COLQ: variants seen among roughly 807,000 people sequenced by gnomAD.
COLQ encodes the protein collagen like tail subunit of asymmetric acetylcholinesterase, also known as acetylcholinesterase collagenic tail peptide.
In COLQ, 48 loss-of-function variants were observed where a neutral mutation model predicts 69.0. The ratio of observed to expected loss-of-function variants is 0.70; its 90% CI spans 0.55 to 0.88. The LOEUF is 0.88. Among genes scored for constraint, COLQ ranks in the 40% least tolerant of loss-of-function variants. The pLI is 0.00. For missense variants in COLQ, 618 were observed against 594.6 expected, an observed-to-expected ratio of 1.04 and a Z score of -0.41; for synonymous variants, 217 against 211.2, an observed-to-expected ratio of 1.03 and a Z score of -0.24.
intron 3 of COLQ, among the ~76,000 whole-genome samples, chr3:15,486,110 T>G (rs1305179646): frequency 1.3e-5 from 2 of 152,182 alleles, no homozygotes; most frequent in Admixed American, 6.5e-5. Context: ...TATTTTTGGA[T>G]AGGGAAGAGG....
chr3:15,458,411 A>T, intron 12 of COLQ, 86 bp from the exon 13 acceptor site: 1 of 1,475,564 alleles, frequency 6.8e-7, no homozygotes, highest in Non-Finnish European at 9.5e-7. Flanking sequence ...TTTGCAACAG[A>T]AAAAAGGTTA....
intron 3 of COLQ, among the ~76,000 whole-genome samples, chr3:15,485,529 A>G (rs564728407): frequency 6.6e-6 from 1 of 152,278 alleles, no homozygotes; most frequent in Admixed American, 6.5e-5. Context: ...CCTCCCTGAA[A>G]TATGATTTCT....
chr3:15,456,449 C>T lies in COLQ; in HGVS notation c.1074+11G>A. On this transcript the variant is annotated intron_variant, in intron 14 of 16. Transcript: ENST00000383788. ...CAGGGAGTATGTCCTGAGGTAATGG[C>T]CTGGGGGTACCTGGATGGGGAGCCA... 1 of 1,613,850 alleles carries T rather than the reference C, an allele frequency of 6.2e-7. No individual in the cohort carries two copies. The highest frequency in any genetic ancestry group is 1.1e-5 in the South Asian group (1 of 91,062).
At chr3:15,454,684 C>T (rs1206546276) in intron 15 of COLQ, among the ~76,000 whole-genome samples, 5 of 136,254 alleles carry the variant, frequency 3.7e-5, no homozygotes, top group Non-Finnish European at 7.6e-5. Flanking sequence ...GAGACAGGGT[C>T]TCGCTCTGTT....
chr3:15,475,834 A>G (rs2062370718), intron 6 of COLQ, among the ~76,000 whole-genome samples: 1 of 152,180 alleles, frequency 6.6e-6, no homozygotes, highest in Admixed American at 6.5e-5. Context: ...CCAGAAAACA[A>G]GGTGTCAATA....
chr3:15,499,978 C>G (rs1400951485), intron 1 of COLQ, among the ~76,000 whole-genome samples: 1 of 152,152 alleles, frequency 6.6e-6, no homozygotes, highest in Middle Eastern at 3.2e-3. Context: ...TTGACATATT[C>G]TTGGATAACT....
At chr3:15,468,156 C>T (rs760918692) in intron 11 of COLQ, among the ~76,000 whole-genome samples, 3 of 152,112 alleles carry the variant, frequency 2.0e-5, no homozygotes, top group Admixed American at 6.5e-5. Flanking sequence ...CATTCTGACA[C>T]CAGCAGTAAT....
intron 3 of COLQ, among the ~76,000 whole-genome samples, chr3:15,484,950 A>C (rs1056043929): frequency 1.3e-5 from 2 of 151,968 alleles, no homozygotes; most frequent in Non-Finnish European, 2.9e-5. Context: ...GAGGAGCTGC[A>C]CTCCTTTGGA....
intron 13 of COLQ, among the ~76,000 whole-genome samples, chr3:15,457,767 C>T (rs555632752): frequency 1.8e-4 from 27 of 152,202 alleles, no homozygotes; most frequent in Non-Finnish European, 3.4e-4. Flanking sequence ...CGTGCACCAC[C>T]GCGCCCGGCT....
At chr3:15,456,981 C>A (rs1303696640) in intron 13 of COLQ, among the ~76,000 whole-genome samples, 1 of 152,022 alleles carries the variant, frequency 6.6e-6, no homozygotes, top group African/African-American at 2.4e-5. Flanking sequence ...CACCACAATG[C>A]CTGGCTAACT....
At chr3:15,505,803 C>T (rs17041251) in intron 1 of COLQ, among the ~76,000 whole-genome samples, 40,706 of 152,218 alleles carry the variant, frequency 0.27, 6,018 homozygotes, top group African/African-American at 0.4. Flanking sequence ...ACAACTGTGA[C>T]TGCGTGGAAA....
intron 1 of COLQ, among the ~76,000 whole-genome samples, chr3:15,501,066 A>G (rs1162464503): frequency 1.3e-5 from 2 of 152,206 alleles, no homozygotes; most frequent in South Asian, 2.1e-4. Flanking sequence ...CCCCTTGGTG[A>G]ACAATCTTTG....
chr3:15,520,535 C>G (rs1396126379), intron 1 of COLQ, among the ~76,000 whole-genome samples: 1 of 152,182 alleles, frequency 6.6e-6, no homozygotes, highest in Non-Finnish European at 1.5e-5. Context: ...AAATTTCTGT[C>G]TCAGTTGAAG....
In COLQ at chr3:15,490,175, C is replaced by T. The variant is rs2062640513; in HGVS notation, c.107-538G>A. 5.3e-5 allele frequency among the ~76,000 whole-genome samples: 8 copies of T among 152,162 alleles called. No individual in the cohort carries two copies. In the South Asian group the frequency reaches 1.7e-3, roughly 32 times the overall value. ...TCACTGGAGAGTTACGGTTTAATGT[C>T]TCAATATATGGGTAGCCTAATCTGC... On this transcript the variant is annotated intron_variant, in intron 1 of 16. Coordinates refer to ENST00000383788, the MANE Select transcript of COLQ (RefSeq NM_005677.4).
chr3:15,451,662 G>A lies in COLQ; in HGVS notation c.1350C>T (p.Pro450=), dbSNP rs747648795. Residue 450 remains proline, a synonymous_variant, in exon 17 of 17, where the codon CCC becomes CCT. Transcript: ENST00000383788. ...ACGGCCCTCAGGTGAAGTAGCGGCA[G>A]GGCGTGGAGTCGATGTAGCAGTACT... ...CTQYCYIDST[P]CRYFT is the part of the protein sequence containing the mutation. The A allele has an allele frequency of 5.6e-6, 9 of 1,614,156 alleles. No individual in the cohort carries two copies. The East Asian group carries it at 8.9e-5, about 16-fold the overall frequency.
chr3:15,484,146 G>C (rs541336936), intron 3 of COLQ, among the ~76,000 whole-genome samples: 1 of 152,256 alleles, frequency 6.6e-6, no homozygotes, highest in East Asian at 1.9e-4. Context: ...ACAGCACACT[G>C]ATGGGTCTTG....
intron 1 of COLQ, among the ~76,000 whole-genome samples, chr3:15,493,534 C>T (rs1288067858): frequency 6.6e-6 from 1 of 152,258 alleles, no homozygotes; most frequent in Non-Finnish European, 1.5e-5. Flanking sequence ...GACGGCTGAC[C>T]CAGTCTTGCC....
At chr3:15,499,287 G>A (rs1022389213) in intron 1 of COLQ, among the ~76,000 whole-genome samples, 13 of 152,312 alleles carry the variant, frequency 8.5e-5, no homozygotes, top group Admixed American at 7.2e-4. Flanking sequence ...CAGTGCACAA[G>A]CATGGACACA....
At chr3:15,456,663 T>G in intron 13 of COLQ, 84 bp from the exon 14 acceptor site, 68 of 1,567,790 alleles carry the variant, frequency 4.3e-5, no homozygotes, top group Middle Eastern at 1.8e-4. Context: ...ACAGAATCTC[T>G]ATCCTTGGGC....
Sources: allele counts gnomAD v4.1 joint callset (sites outside exome capture counted in the v4.1 genomes callset), GRCh38; gene constraint gnomAD v4.1.1; transcripts MANE v1.5; gene names NCBI Gene and HGNC (gene_info 2026-07-23, HGNC 2026-07-21).